Variants in EME2 observed in about 807,000 individuals in gnomAD.
EME2 encodes the protein structure-specific endonuclease subunit EME2.
Under a neutral mutation model 41.9 loss-of-function variants are expected in EME2, and 58 were observed. That is an observed-to-expected ratio of 1.38 (90% confidence interval 1.12 to 1.72). The LOEUF is 1.72. Ranked by LOEUF, EME2 falls within the 40% of genes most tolerant of loss-of-function variation. EME2 has a pLI of 0.00. For synonymous variants in EME2, 334 were observed against 239.3 expected (o/e 1.40, Z -3.65); for missense variants, 695 against 541.9 (o/e 1.28, Z -2.81).
chr16:1,776,362 T>A lies in EME2; in HGVS notation c.*124T>A. The stretch of plus-strand genomic sequence containing the variant: ...TGGGTGGGTTCTCTGGCTGAGCAGG[T>A]CTGACCTCAGGGGAAGGGTGGGTGG... On this transcript the variant is annotated 3_prime_UTR_variant, in exon 8 of 8. Transcript: ENST00000568449. 3 of 919,970 alleles carry A rather than the reference T, an allele frequency of 3.3e-6. No individual in the cohort carries two copies. The highest frequency in any genetic ancestry group is 5.0e-6 in the Non-Finnish European group (3 of 597,876). 57.0% of individuals were successfully genotyped at this position (919,970 alleles called of 1,614,324 possible).
chr16:1,773,097 G>C lies in EME2; in HGVS notation c.-131G>C, dbSNP rs1415385812. On this transcript the variant is annotated 5_prime_UTR_variant, in exon 1 of 8. Transcript: ENST00000568449. ...GCGGGCCAGCTCCGCGATCAGCCGC[G>C]GACGCACCTTCTTCCGCGCCATGGC... The C allele has an allele frequency of 6.4e-6, 9 of 1,403,516 alleles. No individual in the cohort carries two copies. Among genetic ancestry groups the C allele is most frequent in the South Asian group, 3.2e-5 (2 of 62,806 alleles). The allele number at this position is 1,403,516 out of a possible 1,614,324, so 86.9% of individuals were successfully genotyped here. A position where few individuals can be genotyped will look rare whatever the true frequency, so the allele number is the denominator to read the frequency against.
Position 1,776,973 on chromosome 16 carries a change from C to T in EME2, c.*735C>T, listed in dbSNP as rs113748227. The T allele has an allele frequency of 1.7e-5, 19 of 1,116,154 alleles. No individual in the cohort carries two copies. In the African/African-American group the frequency reaches 1.7e-4, roughly 10 times the overall value. The allele number at this position is 1,116,154 out of a possible 1,614,324, so 69.1% of individuals were successfully genotyped here. The stretch of plus-strand genomic sequence containing the variant: ...TCCCAGCCTCGGGAGCAAGAGATGG[C>T]TCCCTCCGGACGGGCCTCATCCAAC... On this transcript the variant is annotated 3_prime_UTR_variant, in exon 8 of 8. Transcript: ENST00000568449.
chr16:1,781,220 C>G lies in EME2; in HGVS notation c.*4982C>G. On this transcript the variant is annotated 3_prime_UTR_variant, in exon 8 of 8. Transcript: ENST00000568449. Reference sequence around the variant, plus strand: ...AATGCGGTGCATCCAGGAGACAGGCCCAGGTTTGGACTGGTCCTCTAGCCT... The same window carrying G: ...AATGCGGTGCATCCAGGAGACAGGCGCAGGTTTGGACTGGTCCTCTAGCCT... The G allele has an allele frequency of 6.3e-7, 1 of 1,579,534 alleles. No homozygotes were observed. Among genetic ancestry groups the G allele is most frequent in the Non-Finnish European group, 8.6e-7 (1 of 1,169,288 alleles).
intron 5 of EME2, 80 bp from the exon 6 acceptor site, chr16:1,775,489 T>C (rs1293974013): frequency 1.3e-6 from 2 of 1,594,240 alleles, no homozygotes; most frequent in South Asian, 2.2e-5. Context: ...GTTCCCAGCG[T>C]GGTACATGGG....
intron 1 of EME2, 110 bp downstream of exon 1, chr16:1,773,584 G>A: frequency 6.6e-7 from 1 of 1,519,440 alleles, no homozygotes. Context: ...CTGGGGCCGG[G>A]CCCGCCTCCC....
chr16:1,773,253 C>T lies in EME2; in HGVS notation c.26C>T (p.Ala9Val), dbSNP rs960179050. 4.8e-6 allele frequency: 7 copies of T among 1,450,478 alleles called. No homozygotes were observed. Among genetic ancestry groups the T allele is most frequent in the East Asian group, 2.6e-5 (1 of 37,854 alleles). The allele number at this position is 1,450,478 out of a possible 1,614,324, so 89.9% of individuals were successfully genotyped here. A position where few individuals can be genotyped will look rare whatever the true frequency, so the allele number is the denominator to read the frequency against. The change falls in exon 1 of 8, where the codon GCG becomes GTG. Residue 9 changes from alanine (A) to valine (V), a missense_variant. Transcript: ENST00000568449. ...ATGGCGCGGGTTGGACCCGGGAGGG[C>T]GGGGGTCTCTTGCCAGGGCCGGGGC... Reference protein sequence around the residue: MARVGPGRAGVSCQGRGRG... With the variant: MARVGPGRVGVSCQGRGRG...
intron 2 of EME2, 94 bp downstream of exon 2, chr16:1,773,935 G>C: frequency 1.4e-6 from 2 of 1,414,136 alleles, no homozygotes; most frequent in South Asian, 2.9e-5. Context: ...CAGCTGCCCT[G>C]GGCCGTGCGC....
chr16:1,776,118 C>A lies in EME2; in HGVS notation c.1020C>A (p.Asp340Glu), dbSNP rs1483123437. ...GGGAGCGCATGGGCCTCCTGGCCGA[C>A]CTTCCTGTGCCGCCCAGTGAAGGCG... is the stretch of plus-strand genomic sequence containing the variant. ...TERERMGLLA[D>E]LPVPPSEGGR... The change falls in exon 8 of 8, where the codon GAC becomes GAA. Residue 340 changes from aspartate (D) to glutamate (E), a missense_variant. Coordinates refer to ENST00000568449, the MANE Select transcript of EME2 (RefSeq NM_001257370.2). 49 of 1,611,902 alleles carry A rather than the reference C, an allele frequency of 3.0e-5. No homozygotes were observed. Among genetic ancestry groups the A allele is most frequent in the Non-Finnish European group, 4.2e-5 (49 of 1,179,792 alleles).
rs1358418900 is a variant in EME2, at chr16:1,779,241, TC to T, written c.*3006del. On this transcript the variant is annotated 3_prime_UTR_variant, in exon 8 of 8. Coordinates refer to ENST00000568449, the MANE Select transcript of EME2 (RefSeq NM_001257370.2). ...TCCTTGGTCCTGATTCTTGGCCTCC[TC>T]CCACCAGAACGTGAGCTCCTTGTGG... 3 of 152,468 alleles carry T rather than the reference TC, an allele frequency of 2.0e-5. No homozygotes were observed. Among genetic ancestry groups the T allele is most frequent in the Non-Finnish European group, 4.4e-5 (3 of 68,180 alleles). The allele number at this position is 152,468 out of a possible 1,614,324, so 9.4% of individuals were successfully genotyped here. A position where few individuals can be genotyped will look rare whatever the true frequency, so the allele number is the denominator to read the frequency against.
In EME2 at chr16:1,776,068, G is replaced by T; in HGVS notation, c.970G>T (p.Ala324Ser). 6.2e-7 allele frequency: 1 copy of T among 1,608,042 alleles called. No homozygotes were observed. Among genetic ancestry groups the T allele is most frequent in the South Asian group, 1.1e-5 (1 of 90,870 alleles). The change falls in exon 8 of 8, where the codon GCG becomes TCG. Residue 324 changes from alanine to serine, a missense_variant and splice_region_variant. Transcript: ENST00000568449. ...AFPSPRLLQQ[A>S]LEACSTERER... The stretch of plus-strand genomic sequence containing the variant: ...CTCTCATGCCTTTGCCTGCTCCTAG[G>T]CGCTGGAGGCCTGCAGCACGGAGCG...
intron 3 of EME2, 69 bp from the exon 4 acceptor site, chr16:1,774,972 G>A (rs1255552917): frequency 1.8e-5 from 22 of 1,232,000 alleles, no homozygotes; most frequent in Non-Finnish European, 2.6e-5. Context: ...AACCAGCTGT[G>A]GCCTGGTGGC....
At chr16:1,775,754 A>T in intron 6 of EME2, 43 bp from the exon 7 acceptor site, 2 of 1,612,320 alleles carry the variant, frequency 1.2e-6, no homozygotes, top group Non-Finnish European at 1.7e-6. Context: ...GCCTTTTGGG[A>T]GCTGCTCACA....
At position 1,776,147 on chromosome 16, in the gene EME2, G is replaced by A. The variant is rs61753376; in HGVS notation, c.1049G>A (p.Arg350His). ...DLPVPPSEGG[R>H]PRRVGPDLSR... ...CCTGTGCCGCCCAGTGAAGGCGGGC[G>A]TCCCCGCAGGGTGGGGCCTGACCTC... is the stretch of plus-strand genomic sequence containing the variant. The change falls in exon 8 of 8, where the codon CGT (arginine) becomes CAT (histidine). Residue 350 changes from arginine to histidine, a missense_variant. Coordinates refer to ENST00000568449, the MANE Select transcript of EME2 (RefSeq NM_001257370.2). 0.027 allele frequency: 44,115 copies of A among 1,612,356 alleles called. 772 individuals carry two copies. The highest frequency in any genetic ancestry group is 0.081 in the East Asian group (3,643 of 44,880).
chr16:1,773,557 C>T, intron 1 of EME2, 83 bp downstream of exon 1: 3 of 1,515,536 alleles, frequency 2.0e-6, no homozygotes, highest in Non-Finnish European at 2.6e-6. Context: ...CTGGGCGGGG[C>T]GCGCGTGCCG....
intron 2 of EME2, among the ~76,000 whole-genome samples, 190 bp from the exon 3 acceptor site, chr16:1,774,070 T>C (rs980734819): frequency 6.6e-6 from 1 of 152,236 alleles, no homozygotes; most frequent in Non-Finnish European, 1.5e-5. Context: ...TCTGGATTCC[T>C]GCCAGCCACA....
chr16:1,776,652 G>C lies in EME2; in HGVS notation c.*414G>C, dbSNP rs564305858. 1 of 284,758 alleles carries C rather than the reference G, an allele frequency of 3.5e-6. No individual in the cohort carries two copies. Among genetic ancestry groups the C allele is most frequent in the Non-Finnish European group, 6.6e-6 (1 of 150,926 alleles). 17.6% of individuals were successfully genotyped at this position (284,758 alleles called of 1,614,324 possible). A position where few individuals can be genotyped will look rare whatever the true frequency, so the allele number is the denominator to read the frequency against. ...TGTGGAGGGGCAGTGAGGCCTGGGA[G>C]AAGGCCCAGGCTGCTCGCAAGCCCG... On this transcript the variant is annotated 3_prime_UTR_variant, in exon 8 of 8. Transcript: ENST00000568449.
Position 1,776,277 on chromosome 16 carries a change from GA to G in EME2, c.*40del. ...CACCAGGACAGCATGCAGCCTTGGG[GA>G]CAGACCAGACACCCTGGGCGGTGGG... On this transcript the variant is annotated 3_prime_UTR_variant, in exon 8 of 8. Transcript: ENST00000568449. 2 of 1,600,802 alleles carry G rather than the reference GA, an allele frequency of 1.2e-6. No individual in the cohort carries two copies. The highest frequency in any genetic ancestry group is 1.7e-6 in the Non-Finnish European group (2 of 1,171,938).
chr16:1,778,575 A>T lies in EME2; in HGVS notation c.*2337A>T. On this transcript the variant is annotated 3_prime_UTR_variant, in exon 8 of 8. Transcript: ENST00000568449. ...CACCGCACTGGGGATGGATGGCGGCAGCGTGGAGTACTCGGGGTCGGAGTC... is the reference window on the plus strand; with the variant it reads ...CACCGCACTGGGGATGGATGGCGGCTGCGTGGAGTACTCGGGGTCGGAGTC... The T allele has an allele frequency of 6.3e-7, 1 of 1,593,196 alleles. No homozygotes were observed. The highest frequency in any genetic ancestry group is 8.6e-7 in the Non-Finnish European group (1 of 1,166,492).
At position 1,778,609 on chromosome 16, in the gene EME2, T is replaced by C. The variant is rs776761728; in HGVS notation, c.*2371T>C. ...TACTCGGGGTCGGAGTCCGAGTCGC[T>C]GTGCTGGGAGAGAAGGGCCGGCTGT... is the stretch of plus-strand genomic sequence containing the variant. On this transcript the variant is annotated 3_prime_UTR_variant, in exon 8 of 8. Coordinates refer to ENST00000568449, the MANE Select transcript of EME2 (RefSeq NM_001257370.2). The C allele has an allele frequency of 1.9e-6, 3 of 1,551,940 alleles. No homozygotes were observed. Among genetic ancestry groups the C allele is most frequent in the Non-Finnish European group, 2.6e-6 (3 of 1,146,996 alleles).
Sources: gnomAD v4.1 joint callset for allele counts (sites outside exome capture counted in the v4.1 genomes callset) on GRCh38, gnomAD v4.1.1 for gene constraint, MANE v1.5 for transcripts, NCBI Gene and HGNC (gene_info 2026-07-23, HGNC 2026-07-21) for gene names.